Variants in PRKD1 observed in about 807,000 individuals in gnomAD.
PRKD1 encodes the protein protein kinase D1, also known as serine/threonine-protein kinase D1.
Under a neutral mutation model 95.9 loss-of-function variants are expected in PRKD1, and 63 were observed. That is an observed-to-expected ratio of 0.66 (90% CI 0.54 to 0.81). The LOEUF is 0.81. Among genes scored for constraint, PRKD1 ranks in the 30% least tolerant of loss-of-function variants. The pLI is 0.00. For synonymous variants in PRKD1, 425 were observed against 423.1 expected (o/e 1.00, Z -0.05); for missense variants, 1,048 against 1,165.3 (o/e 0.90, Z 1.47).
intron 1 of PRKD1, among the ~76,000 whole-genome samples, chr14:29,926,333 C>T (rs1333429220): frequency 6.6e-6 from 1 of 152,210 alleles, no homozygotes; most frequent in Non-Finnish European, 1.5e-5. Flanking sequence ...GCTGTTTACA[C>T]TAAGAAGACT....
At chr14:29,777,660 T>C (rs1015565206) in intron 1 of PRKD1, among the ~76,000 whole-genome samples, 18 of 152,152 alleles carry the variant, frequency 1.2e-4, no homozygotes, top group African/African-American at 3.4e-4. Context: ...CTTAGAGACC[T>C]ACAAAGAGAC....
chr14:29,741,617 G>A (rs749125782), intron 1 of PRKD1, among the ~76,000 whole-genome samples: 3 of 151,962 alleles, frequency 2.0e-5, no homozygotes, highest in East Asian at 1.9e-4. Flanking sequence ...GATAAGGAAC[G>A]ACACAGACAC....
At chr14:29,659,535 T>C (rs1882076584) in intron 4 of PRKD1, among the ~76,000 whole-genome samples, 1 of 152,202 alleles carries the variant, frequency 6.6e-6, no homozygotes, top group Non-Finnish European at 1.5e-5. Flanking sequence ...CTTTACGAGA[T>C]AACTGCCAAC....
chr14:29,598,277 T>C (rs1441109414), intron 15 of PRKD1, among the ~76,000 whole-genome samples: 1 of 560 alleles, frequency 1.8e-3, no homozygotes, highest in African/African-American at 8.2e-3. Flanking sequence ...CTGTCTAAAA[T>C]AAAATAAAAT....
At chr14:29,831,150 C>T (rs1009876359) in intron 1 of PRKD1, among the ~76,000 whole-genome samples, 4 of 152,146 alleles carry the variant, frequency 2.6e-5, no homozygotes, top group Non-Finnish European at 4.4e-5. Flanking sequence ...AAGTGCTCTA[C>T]GTGGTTGATT....
At chr14:29,804,233 A>C in intron 1 of PRKD1, among the ~76,000 whole-genome samples, 1 of 143,488 alleles carries the variant, frequency 7.0e-6, no homozygotes, top group South Asian at 2.3e-4. Context: ...CAAGAACGAA[A>C]CTAAAAAAAA....
intron 14 of PRKD1, among the ~76,000 whole-genome samples, 167 bp downstream of exon 14, chr14:29,599,489 T>A (rs548350467): frequency 1.3e-5 from 2 of 152,332 alleles, no homozygotes; most frequent in South Asian, 4.1e-4. Context: ...TGGACTCTGA[T>A]TAATATAGAT....
rs1882875622 is a variant in PRKD1 at position 29,672,022 on chromosome 14, CA to C, written c.404-5815del. 2.0e-5 allele frequency among the ~76,000 whole-genome samples: 3 copies of C among 152,202 alleles called. No individual in the cohort carries two copies. The South Asian group carries it at 6.2e-4, about 31-fold the overall frequency. On this transcript the variant is annotated intron_variant, in intron 2 of 17. Coordinates refer to ENST00000331968, the MANE Select transcript of PRKD1 (RefSeq NM_002742.3). ...ATATTTAAAATATTGTAAGTCTTAA[CA>C]GAAATCAATGTCAAAGGTGGAGATA...
At chr14:29,729,198 T>C (rs1424764868) in intron 1 of PRKD1, among the ~76,000 whole-genome samples, 5 of 152,118 alleles carry the variant, frequency 3.3e-5, no homozygotes, top group Non-Finnish European at 7.4e-5. Context: ...GCAAAATATA[T>C]GGATTGAGAT....
chr14:29,633,702 A>G (rs1000794213), intron 8 of PRKD1, among the ~76,000 whole-genome samples: 1 of 152,228 alleles, frequency 6.6e-6, no homozygotes, highest in East Asian at 1.9e-4. Context: ...AATATATTAC[A>G]CCATGTCTAA....
intron 1 of PRKD1, among the ~76,000 whole-genome samples, chr14:29,910,277 G>A (rs1242191613): frequency 1.3e-5 from 2 of 151,904 alleles, no homozygotes; most frequent in African/African-American, 4.8e-5. Context: ...TAAGAGCTGT[G>A]ACACTCACCG....
In PRKD1 at chr14:29,577,315, T is replaced by C; in HGVS notation, c.2662A>G (p.Ser888Gly). The change falls in exon 18 of 18, where the codon AGT (serine) becomes GGT (glycine). Residue 888 changes from serine (S) to glycine (G), a missense_variant. Physicochemically the swap from Ser to Gly is moderately conservative, Grantham distance 56. Coordinates refer to ENST00000331968, the MANE Select transcript of PRKD1 (RefSeq NM_002742.3). ...LQYPTHLINP[S>G]ASHSDTPETE... ...TCAGGAGTGTCACTGTGGCTAGCAC[T>C]TGGATTGATCAGGTGTGTGGGGTAC... 1 of 1,613,868 alleles carries C rather than the reference T, an allele frequency of 6.2e-7. No individual in the cohort carries two copies. The highest frequency in any genetic ancestry group is 1.3e-5 in the African/African-American group (1 of 75,002).
intron 1 of PRKD1, among the ~76,000 whole-genome samples, chr14:29,864,264 T>G (rs988335863): frequency 6.6e-6 from 1 of 151,824 alleles, no homozygotes; most frequent in Non-Finnish European, 1.5e-5. Context: ...TCAAAGAACA[T>G]ATATATATAT....
intron 1 of PRKD1, among the ~76,000 whole-genome samples, chr14:29,898,247 G>A (rs1490645869): frequency 6.6e-6 from 1 of 151,920 alleles, no homozygotes; most frequent in Non-Finnish European, 1.5e-5. Flanking sequence ...TGTTTCTGAT[G>A]GTCATTAAAT....
chr14:29,663,988 A>G (rs1882339498), intron 3 of PRKD1, 129 bp from the exon 4 acceptor site: 1 of 1,000,984 alleles, frequency 1.0e-6, no homozygotes, highest in Non-Finnish European at 1.4e-6. Context: ...GGAAATTCAC[A>G]TTTTCTTTTG....
At chr14:29,857,676 C>T (rs990242528) in intron 1 of PRKD1, among the ~76,000 whole-genome samples, 2 of 152,194 alleles carry the variant, frequency 1.3e-5, no homozygotes, top group Non-Finnish European at 2.9e-5. Context: ...AACTGCTCCC[C>T]TCTAAGAAAA....
At chr14:29,629,716 C>T (rs924653827) in intron 10 of PRKD1, among the ~76,000 whole-genome samples, 2 of 152,042 alleles carry the variant, frequency 1.3e-5, no homozygotes, top group Admixed American at 6.6e-5. Context: ...ATCCTCAATA[C>T]TGAATCTAGG....
At chr14:29,723,134 G>A (rs1566561703) in intron 2 of PRKD1, among the ~76,000 whole-genome samples, 1 of 152,146 alleles carries the variant, frequency 6.6e-6, no homozygotes, top group African/African-American at 2.4e-5. Context: ...AAATATGTAT[G>A]TTAACAAAAC....
chr14:29,754,150 CCTTTAGTTTG>C (rs1887599135), intron 1 of PRKD1, among the ~76,000 whole-genome samples: 1 of 152,132 alleles, frequency 6.6e-6, no homozygotes, highest in Admixed American at 6.6e-5. Context: ...TGCCATAATT[CCTTTAGTTTG>C]CATTTATCTA....
Sources: allele counts gnomAD v4.1 joint callset (sites outside exome capture counted in the v4.1 genomes callset), GRCh38; gene constraint gnomAD v4.1.1; transcripts MANE v1.5; gene names NCBI Gene and HGNC (gene_info 2026-07-23, HGNC 2026-07-21).